CNGA3: variants seen among roughly 807,000 people sequenced by gnomAD.
CNGA3 encodes the protein cyclic nucleotide-gated channel alpha-3.
In CNGA3, 42 loss-of-function variants were observed where a neutral mutation model predicts 46.6. The ratio of observed to expected loss-of-function variants is 0.90; its 90% CI spans 0.70 to 1.17. The LOEUF (loss-of-function observed/expected upper bound fraction) is 1.17. Among genes scored for constraint, CNGA3 ranks in the 50% most tolerant of loss-of-function variants. The probability of loss-of-function intolerance (pLI) is 0.00; values close to 1 mark genes in which losing one functional copy is unlikely to be tolerated. For missense variants in CNGA3, 893 were observed against 890.7 expected (o/e 1.00, Z -0.03); for synonymous variants, 394 against 369.4 (o/e 1.07, Z -0.76).
At chr2:98,353,753 C>G (rs1691818795) in intron 1 of CNGA3, among the ~76,000 whole-genome samples, 1 of 152,156 alleles carries the variant, frequency 6.6e-6, no homozygotes. Flanking sequence ...CATAGTTCTG[C>G]AGATGGTACA....
rs1692251065 is a variant in CNGA3 at position 98,370,049 on chromosome 2, T to C, written c.74T>C (p.Leu25Pro). The C allele has an allele frequency of 6.8e-6, 11 of 1,613,786 alleles. No homozygotes were observed. Among genetic ancestry groups the C allele is most frequent in the Non-Finnish European group, 8.5e-6 (10 of 1,179,854 alleles). The part of the protein sequence containing the change: ...HLKVKTSDRD[L>P]NRAENGLSRA... ...AAGGTAAAGACCTCAGACCGAGATC[T>C]CAATCGCGCTGAAAATGGCCTCAGC... The change falls in exon 2 of 8, where the codon CTC (leucine) becomes CCC (proline). Residue 25 changes from leucine to proline, a missense_variant. By Grantham distance (98) the Leu-to-Pro change is moderately conservative. This residue lies in a region of CNGA3 where 333 missense variants were observed against 290.8 expected (regional missense o/e 1.15). Coordinates refer to ENST00000272602, the MANE Select transcript of CNGA3 (RefSeq NM_001298.3).
At chr2:98,392,999 G>A (rs1354253347) in intron 7 of CNGA3, among the ~76,000 whole-genome samples, 1 of 152,216 alleles carries the variant, frequency 6.6e-6, no homozygotes, top group Non-Finnish European at 1.5e-5. Context: ...AGGCATGGGT[G>A]CAGGCACCTG....
chr2:98,382,806 C>T (rs563816160), intron 4 of CNGA3, among the ~76,000 whole-genome samples: 4 of 152,264 alleles, frequency 2.6e-5, no homozygotes, highest in Admixed American at 1.3e-4. Flanking sequence ...GCCCTGGAGT[C>T]GTAAAATTTG....
At chr2:98,382,123 G>T (rs147687547) in intron 4 of CNGA3, among the ~76,000 whole-genome samples, 1 of 152,182 alleles carries the variant, frequency 6.6e-6, no homozygotes, top group East Asian at 1.9e-4. Context: ...TGGATCACTC[G>T]CGGGCAGGGT....
intron 1 of CNGA3, among the ~76,000 whole-genome samples, chr2:98,347,575 G>A (rs890941801): frequency 6.6e-6 from 1 of 152,246 alleles, no homozygotes; most frequent in Non-Finnish European, 1.5e-5. Context: ...GAGGATGAAT[G>A]GCGCTGGAAC....
chr2:98,374,524 C>A (rs554638774), intron 2 of CNGA3, among the ~76,000 whole-genome samples: 1 of 152,310 alleles, frequency 6.6e-6, no homozygotes, highest in Admixed American at 6.5e-5. Context: ...CAGAACAGAG[C>A]CTGGCCCCAC....
intron 4 of CNGA3, among the ~76,000 whole-genome samples, chr2:98,381,595 A>G (rs1692539542): frequency 6.6e-6 from 1 of 152,178 alleles, no homozygotes; most frequent in South Asian, 2.1e-4. Flanking sequence ...TTAAGATGGA[A>G]TATGAGAGTT....
intron 1 of CNGA3, among the ~76,000 whole-genome samples, chr2:98,354,871 A>G (rs948328707): frequency 1.3e-5 from 2 of 152,208 alleles, no homozygotes; most frequent in Non-Finnish European, 1.5e-5. Flanking sequence ...ACACAAAGGC[A>G]TTTTTATTTT....
At chr2:98,373,495 C>T (rs1008343326) in intron 2 of CNGA3, among the ~76,000 whole-genome samples, 1 of 152,172 alleles carries the variant, frequency 6.6e-6, no homozygotes, top group Non-Finnish European at 1.5e-5. Flanking sequence ...ATAGCCAAGT[C>T]TCTGTCCCCT....
At chr2:98,353,439 T>G (rs1691812110) in intron 1 of CNGA3, among the ~76,000 whole-genome samples, 1 of 152,204 alleles carries the variant, frequency 6.6e-6, no homozygotes, top group African/African-American at 2.4e-5. Flanking sequence ...GGTTTTATTA[T>G]ATCATGGAAC....
At position 98,388,470 on chromosome 2, in the gene CNGA3, G is replaced by A. The variant is rs1359827527; in HGVS notation, c.450-1188G>A. On this transcript the variant is annotated intron_variant, in intron 5 of 7. Transcript: ENST00000272602. ...TAGCTTCGGCCCTGGAGGGGAGAGG[G>A]TGCTTGGAGCTGAGGAAAAGTCGGT... Among the ~76,000 whole-genome samples, 7 of 152,166 alleles carry A rather than the reference G, an allele frequency of 4.6e-5. No homozygotes were observed. In the East Asian group the frequency reaches 1.2e-3, roughly 25 times the overall value.
intron 2 of CNGA3, among the ~76,000 whole-genome samples, chr2:98,373,629 T>C (rs920137265): frequency 2.6e-5 from 4 of 152,154 alleles, no homozygotes; most frequent in Non-Finnish European, 5.9e-5. Flanking sequence ...TGAAAACATT[T>C]TACACCCTGA....
At chr2:98,379,074 G>A (rs906302163) in intron 3 of CNGA3, among the ~76,000 whole-genome samples, 1 of 152,210 alleles carries the variant, frequency 6.6e-6, no homozygotes, top group Non-Finnish European at 1.5e-5. Flanking sequence ...GCTGGAGGAG[G>A]GAGTATGACC....
intron 7 of CNGA3, among the ~76,000 whole-genome samples, chr2:98,395,612 CTCAA>C (rs1432205559): frequency 6.6e-6 from 1 of 152,040 alleles, no homozygotes; most frequent in Non-Finnish European, 1.5e-5. Context: ...TTTAAATTTA[CTCAA>C]TCAACCTATG....
intron 1 of CNGA3, among the ~76,000 whole-genome samples, chr2:98,366,270 T>C (rs961335328): frequency 5.9e-5 from 9 of 152,194 alleles, no homozygotes; most frequent in African/African-American, 2.2e-4. Context: ...TGCCTGCTCC[T>C]TCATCCGGGA....
At chr2:98,395,408 G>C (rs375182350) in intron 7 of CNGA3, among the ~76,000 whole-genome samples, 1 of 152,260 alleles carries the variant, frequency 6.6e-6, no homozygotes, top group East Asian at 1.9e-4. Context: ...GACCTCAGGT[G>C]ATCCACCCGC....
At chr2:98,366,720 G>A (rs1272243175) in intron 1 of CNGA3, among the ~76,000 whole-genome samples, 2 of 152,140 alleles carry the variant, frequency 1.3e-5, no homozygotes, top group Admixed American at 6.5e-5. Context: ...GGCCCAAACT[G>A]CCCAGTCTCC....
rs751611132 is a variant in CNGA3 at position 98,367,167 on chromosome 2, G to GTTTATTTTCCTTTTTTTTTTT, written c.-37-2769_-37-2768insATTTTCCTTTTTTTTTTTTTT. Among the ~76,000 whole-genome samples, 7 of 101,588 alleles carry GTTTATTTTCCTTTTTTTTTTT rather than the reference G, an allele frequency of 6.9e-5. 2 individuals carry two copies. The highest frequency in any genetic ancestry group is 2.9e-4 in the South Asian group (1 of 3,408). 66.6% of individuals were successfully genotyped at this position (101,588 alleles called of 152,430 possible). ...TTGGTGAGAACCTCTGACATCAGCTGTTTTTTTTCTTTTTTTTCTTTTTTT... is the reference window on the plus strand; with the variant it reads ...TTGGTGAGAACCTCTGACATCAGCTGTTTATTTTCCTTTTTTTTTTTTTTTTTTTCTTTTTTTTCTTTTTTT... On this transcript the variant is annotated intron_variant, in intron 1 of 7. Transcript: ENST00000272602.
chr2:98,385,988 C>T (rs1378777835), intron 5 of CNGA3, among the ~76,000 whole-genome samples: 1 of 152,176 alleles, frequency 6.6e-6, no homozygotes, highest in Non-Finnish European at 1.5e-5. Flanking sequence ...AGATTCAAAC[C>T]ACATAAGCTG....
Sources: allele counts gnomAD v4.1 joint callset (sites outside exome capture counted in the v4.1 genomes callset), GRCh38; gene constraint gnomAD v4.1.1; regional missense constraint gnomAD v4.1.1; transcripts MANE v1.5; gene names NCBI Gene and HGNC (gene_info 2026-07-23, HGNC 2026-07-21).